SIPA1L3: variants seen among roughly 807,000 people sequenced by gnomAD.
SIPA1L3 encodes signal induced proliferation associated 1 like 3, also known as signal-induced proliferation-associated 1-like protein 3.
Under a neutral mutation model 150.1 loss-of-function variants are expected in SIPA1L3, and 59 were observed. That is an observed-to-expected ratio of 0.39 (90% CI 0.32 to 0.49). SIPA1L3 has a LOEUF of 0.49. Among genes scored for constraint, SIPA1L3 ranks in the 20% least tolerant of loss-of-function variants. SIPA1L3 has a pLI of 0.86. For synonymous variants in SIPA1L3, 1,070 were observed against 1,077.6 expected, an observed-to-expected ratio of 0.99 and a Z score of 0.14; for missense variants, 2,211 against 2,489.5, an observed-to-expected ratio of 0.89 and a Z score of 2.38.
At chr19:38,075,141 A>G (rs855622) in intron 2 of SIPA1L3, among the ~76,000 whole-genome samples, 140,517 of 152,358 alleles carry the variant, frequency 0.92, 64,927 homozygotes, top group East Asian at 1. Context: ...TTCAATAAAT[A>G]TATTGGAAAA....
At chr19:38,136,713 A>T (rs541392362) in intron 10 of SIPA1L3, among the ~76,000 whole-genome samples, 2 of 152,320 alleles carry the variant, frequency 1.3e-5, no homozygotes, top group Admixed American at 1.3e-4. Context: ...GCCCTGCCTC[A>T]GGGGATTCTG....
At position 38,081,551 on chromosome 19, in the gene SIPA1L3, C is replaced by T. The variant is rs575126283; in HGVS notation, c.-15C>T. 7.0e-6 allele frequency: 11 copies of T among 1,561,740 alleles called. No homozygotes were observed. In the Admixed American group the frequency reaches 1.8e-4, roughly 25 times the overall value. The stretch of plus-strand genomic sequence containing the variant: ...ACAGCGTACGGGGCCAGCAGCACTC[C>T]AGTGCCCGTGGACTATGACCACCTA... On this transcript the variant is annotated 5_prime_UTR_variant, in exon 3 of 22. Coordinates refer to ENST00000222345, the MANE Select transcript of SIPA1L3 (RefSeq NM_015073.3).
In SIPA1L3 at chr19:37,996,640, C is replaced by T. The variant is rs148307186; in HGVS notation, c.-378-32449C>T. Among the ~76,000 whole-genome samples, 83 of 152,234 alleles carry T rather than the reference C, an allele frequency of 5.5e-4. No individual in the cohort carries two copies. In the East Asian group the frequency reaches 0.012, roughly 21 times the overall value. ...ACTTATTTCTCTTGTCCAACTGAAGCTTTGTGTCCTTTGACCAACATCTCC... is the reference window on the plus strand; with the variant it reads ...ACTTATTTCTCTTGTCCAACTGAAGTTTTGTGTCCTTTGACCAACATCTCC... On this transcript the variant is annotated intron_variant, in intron 1 of 21. Coordinates refer to ENST00000222345, the MANE Select transcript of SIPA1L3 (RefSeq NM_015073.3).
intron 5 of SIPA1L3, 115 bp downstream of exon 5, chr19:38,100,265 A>G (rs1970471868): frequency 1.2e-6 from 1 of 816,316 alleles, no homozygotes; most frequent in Non-Finnish European, 1.8e-6. Flanking sequence ...ACAGAAACCT[A>G]CTTAAGCTGG....
chr19:38,182,921 A>G (rs1420615928), intron 16 of SIPA1L3, 181 bp downstream of exon 16: 2 of 570,592 alleles, frequency 3.5e-6, no homozygotes, highest in Non-Finnish European at 3.1e-6. Flanking sequence ...GGGAGCTGGC[A>G]TTCCATTTGG....
Position 37,956,491 on chromosome 19 carries a change from T to TTG in SIPA1L3, c.-379+49134_-379+49135insGT, listed in dbSNP as rs2046812645. On this transcript the variant is annotated intron_variant, in intron 1 of 21. Transcript: ENST00000222345. ...CTTTGGAAGTATAAAAGTTTTGTTT[T>TTG]TTTTTTTTTTTGAGACTGAGTCTCA... 1.3e-5 allele frequency among the ~76,000 whole-genome samples: 2 copies of TTG among 149,242 alleles called. 1 individual carries two copies. The highest frequency in any genetic ancestry group is 1.3e-4 in the Admixed American group (2 of 14,988).
chr19:38,044,047 G>T (rs1197125452), intron 2 of SIPA1L3, among the ~76,000 whole-genome samples: 1 of 152,186 alleles, frequency 6.6e-6, no homozygotes, highest in Non-Finnish European at 1.5e-5. Context: ...CTTGAAGGTG[G>T]AGCTGACAGT....
intron 1 of SIPA1L3, among the ~76,000 whole-genome samples, chr19:37,976,840 G>C (rs1319323332): frequency 6.6e-6 from 1 of 152,042 alleles, no homozygotes; most frequent in Non-Finnish European, 1.5e-5. Context: ...ATTACTATTA[G>C]TATTATTTTT....
chr19:38,007,193 C>T (rs982822523), intron 1 of SIPA1L3, among the ~76,000 whole-genome samples: 43 of 152,200 alleles, frequency 2.8e-4, no homozygotes, highest in African/African-American at 1.0e-3. Context: ...TGGCTGACGC[C>T]TGTAATCTCA....
At position 38,176,116 on chromosome 19, in the gene SIPA1L3, A is replaced by G. The variant is rs1025499341; in HGVS notation, c.4209-6403A>G. Among the ~76,000 whole-genome samples the G allele has an allele frequency of 3.3e-5, 5 of 152,264 alleles. No homozygotes were observed. In the South Asian group the frequency reaches 6.2e-4, roughly 19 times the overall value. On this transcript the variant is annotated intron_variant, in intron 15 of 21. Coordinates refer to ENST00000222345, the MANE Select transcript of SIPA1L3 (RefSeq NM_015073.3). ...CATCTACTTAGGAGGTTGAGGCAGG[A>G]GAATCACTTGAGCCTCCTGAGTAGC...
chr19:37,975,165 G>A (rs1967045208), intron 1 of SIPA1L3, among the ~76,000 whole-genome samples: 1 of 152,134 alleles, frequency 6.6e-6, no homozygotes, highest in Non-Finnish European at 1.5e-5. Flanking sequence ...AAGAGACTTG[G>A]GCATTCAACA....
chr19:38,164,152 G>A lies in SIPA1L3; in HGVS notation c.3781-327G>A, dbSNP rs573176887. On this transcript the variant is annotated intron_variant, in intron 14 of 21. Transcript: ENST00000222345. The surrounding 1 kb of genome is among the most constrained non-coding windows in gnomAD (Gnocchi z 4.1). ...AGGGGCAGCTGAAAGCATGGCCGGC[G>A]TCATTGAGATGAGGAAGACGCTGCC... 2.0e-5 allele frequency among the ~76,000 whole-genome samples: 3 copies of A among 152,284 alleles called. No homozygotes were observed. The highest frequency in any genetic ancestry group is 3.9e-4 in the East Asian group (2 of 5,190).
chr19:38,154,868 T>C (rs1971909379), intron 13 of SIPA1L3, among the ~76,000 whole-genome samples: 1 of 151,522 alleles, frequency 6.6e-6, no homozygotes, highest in Admixed American at 6.6e-5. Context: ...CTCAAGCGAT[T>C]CTCCTGCCTC....
intron 3 of SIPA1L3, 96 bp downstream of exon 3, chr19:38,083,195 C>T (rs930968908): frequency 2.4e-6 from 3 of 1,264,266 alleles, no homozygotes; most frequent in African/African-American, 3.0e-5. Context: ...AGGCCCTGCT[C>T]TGGCACTGAG....
At chr19:37,937,983 G>T (rs970161672) in intron 1 of SIPA1L3, among the ~76,000 whole-genome samples, 1 of 151,924 alleles carries the variant, frequency 6.6e-6, no homozygotes, top group Non-Finnish European at 1.5e-5. Flanking sequence ...GGAGGCGGAG[G>T]TTGCAGTGAG....
intron 2 of SIPA1L3, among the ~76,000 whole-genome samples, chr19:38,039,942 C>T (rs767726775): frequency 6.6e-5 from 10 of 151,920 alleles, no homozygotes; most frequent in Non-Finnish European, 1.2e-4. Flanking sequence ...ATAGCAAGAC[C>T]GCATCTCTAC....
chr19:38,117,101 G>C (rs1026918292), intron 8 of SIPA1L3, among the ~76,000 whole-genome samples: 2 of 152,194 alleles, frequency 1.3e-5, no homozygotes, highest in African/African-American at 4.8e-5. Context: ...GCCTCGATGG[G>C]TTGAGAGCCT....
intron 1 of SIPA1L3, among the ~76,000 whole-genome samples, chr19:37,948,988 G>A (rs1284666290): frequency 6.6e-6 from 1 of 152,214 alleles, no homozygotes; most frequent in African/African-American, 2.4e-5. Flanking sequence ...GAGAATGGCA[G>A]GAGATGGCAT....
At chr19:38,183,904 G>T (rs905934761) in intron 16 of SIPA1L3, among the ~76,000 whole-genome samples, 6 of 152,170 alleles carry the variant, frequency 3.9e-5, no homozygotes, top group Non-Finnish European at 5.9e-5. Context: ...ACTATATAGG[G>T]TTAATCCTCC....
Sources: allele counts gnomAD v4.1 joint callset (sites outside exome capture counted in the v4.1 genomes callset), GRCh38; gene constraint gnomAD v4.1.1; non-coding constraint Gnocchi (gnomAD v3.1); transcripts MANE v1.5; gene names NCBI Gene and HGNC (gene_info 2026-07-23, HGNC 2026-07-21).